The following NTM variants were observed in gnomAD, a reference collection of about 807,000 sequenced individuals.
The protein encoded by NTM is neurotrimin.
A neutral mutation model predicts 42.1 loss-of-function variants in NTM; 13 were observed. That is an observed-to-expected ratio of 0.31 (90% CI 0.20 to 0.49). The LOEUF (loss-of-function observed/expected upper bound fraction) is 0.49, where lower values mean the gene tolerates loss of function less well. Ranked by LOEUF, NTM falls within the 20% of genes least tolerant of loss-of-function variation. NTM has a pLI of 0.99. For synonymous variants in NTM, 187 were observed against 179.2 expected (o/e 1.04, Z -0.35); for missense variants, 373 against 452.8 (o/e 0.82, Z 1.60).
chr11:132,243,871 C>T (rs1370389460), intron 4 of NTM, among the ~76,000 whole-genome samples: 1 of 152,154 alleles, frequency 6.6e-6, no homozygotes. Context: ...TGCAGCATGG[C>T]CCTGAGCCCT....
intron 2 of NTM, among the ~76,000 whole-genome samples, chr11:132,109,552 C>T (rs536244475): frequency 6.6e-6 from 1 of 152,224 alleles, no homozygotes; most frequent in Admixed American, 6.5e-5. Flanking sequence ...TATTATATTG[C>T]TCCCCTGCTT....
At chr11:131,583,413 A>G (rs1039858550) in intron 1 of NTM, among the ~76,000 whole-genome samples, 13 of 152,228 alleles carry the variant, frequency 8.5e-5, no homozygotes, top group African/African-American at 2.7e-4. Context: ...ATAAAATATT[A>G]AGAGAAAATG....
chr11:131,579,666 G>T (rs1396054886), intron 1 of NTM, among the ~76,000 whole-genome samples: 3 of 152,176 alleles, frequency 2.0e-5, no homozygotes, highest in South Asian at 2.1e-4. Flanking sequence ...TCATTTTGCT[G>T]CCAAGGACCA....
chr11:131,715,845 T>G (rs2077638745), intron 1 of NTM, among the ~76,000 whole-genome samples: 3 of 152,262 alleles, frequency 2.0e-5, no homozygotes, highest in Non-Finnish European at 2.9e-5. Flanking sequence ...TCATTTTTAT[T>G]GCTGAAAAGT....
chr11:131,741,121 C>A (rs1185909388), intron 1 of NTM, among the ~76,000 whole-genome samples: 1 of 150,530 alleles, frequency 6.6e-6, no homozygotes, highest in Non-Finnish European at 1.5e-5. Context: ...GAAGAGATTG[C>A]ACCACTGCAC....
At chr11:131,630,618 A>G (rs2063558160) in intron 1 of NTM, among the ~76,000 whole-genome samples, 1 of 152,230 alleles carries the variant, frequency 6.6e-6, no homozygotes, top group Non-Finnish European at 1.5e-5. Context: ...CAGTCAGAGG[A>G]CAAGTCAAAA....
At chr11:132,048,027 T>A (rs990544868) in intron 2 of NTM, among the ~76,000 whole-genome samples, 2 of 152,086 alleles carry the variant, frequency 1.3e-5, no homozygotes, top group Non-Finnish European at 2.9e-5. Flanking sequence ...TAGCTGAGTA[T>A]GTCTGCGTGT....
Position 131,741,162 on chromosome 11 carries a change from T to TGAGAGAGA in NTM, c.83-170363_83-170356dup, listed in dbSNP as rs71067330. Among the ~76,000 whole-genome samples, 397 of 129,812 alleles carry TGAGAGAGA rather than the reference T, an allele frequency of 3.1e-3. 5 individuals are homozygous for TGAGAGAGA. The highest frequency in any genetic ancestry group is 0.011 in the African/African-American group (351 of 33,034). 85.2% of individuals were successfully genotyped at this position (129,812 alleles called of 152,430 possible). On this transcript the variant is annotated intron_variant, in intron 1 of 8. Transcript: ENST00000683400. The stretch of plus-strand genomic sequence containing the variant: ...CCTGGGCAACAGAGCAAGACCCCGT[T>TGAGAGAGA]GAGAGAGAGAGAGAGAGAGAGAGAG...
rs531325573 is a variant in NTM at position 132,056,553 on chromosome 11, G to A, written c.168-89729G>A. ...TCTTTGATATTTAGGATGAGGCAAT[G>A]AATACATGAATGAATACGTCAATGA... On this transcript the variant is annotated intron_variant, in intron 2 of 8. Coordinates refer to ENST00000683400, the MANE Select transcript of NTM (RefSeq NM_001352005.2). 2.9e-4 allele frequency among the ~76,000 whole-genome samples: 44 copies of A among 152,282 alleles called. No homozygotes were observed. In the South Asian group the frequency reaches 3.5e-3, roughly 12 times the overall value.
chr11:132,138,582 CTATCTATCTATCT>C (rs1566271833), intron 2 of NTM, among the ~76,000 whole-genome samples: 1 of 23,008 alleles, frequency 4.3e-5, no homozygotes, highest in African/African-American at 1.3e-4. Flanking sequence ...ATCTATCTAT[CTATCTATCTATCT>C]ATCTATCTAT....
chr11:132,053,934 C>T (rs1049846384), intron 2 of NTM, among the ~76,000 whole-genome samples: 23 of 152,150 alleles, frequency 1.5e-4, no homozygotes, highest in African/African-American at 5.3e-4. Flanking sequence ...ATAAAAAAGT[C>T]GCTGGGTGCG....
intron 1 of NTM, among the ~76,000 whole-genome samples, chr11:131,753,960 T>A (rs1440284475): frequency 6.6e-6 from 1 of 151,480 alleles, no homozygotes; most frequent in Non-Finnish European, 1.5e-5. Context: ...CCATAAAAAG[T>A]GATGAGTTCT....
chr11:131,690,697 T>TG (rs2074555874), intron 1 of NTM, among the ~76,000 whole-genome samples: 1 of 152,162 alleles, frequency 6.6e-6, no homozygotes, highest in African/African-American at 2.4e-5. Flanking sequence ...AGAAGCAGCC[T>TG]GGGGTCCAAG....
At chr11:131,956,549 C>G (rs2061575647) in intron 2 of NTM, among the ~76,000 whole-genome samples, 2 of 151,428 alleles carry the variant, frequency 1.3e-5, no homozygotes, top group African/African-American at 4.9e-5. Flanking sequence ...TGGGTCATCT[C>G]CTGCGTTCCT....
chr11:132,049,542 T>C (rs1268883892), intron 2 of NTM, among the ~76,000 whole-genome samples: 2 of 152,172 alleles, frequency 1.3e-5, no homozygotes, highest in Non-Finnish European at 2.9e-5. Context: ...TGGGGTCTCT[T>C]GCAGGGGTTG....
chr11:132,162,600 ATG>A (rs376065343), intron 3 of NTM, among the ~76,000 whole-genome samples: 1,191 of 115,794 alleles, frequency 0.01, 18 homozygotes, highest in African/African-American at 0.035. Flanking sequence ...TTTGTGGGGC[ATG>A]TGTGGGGGAC....
intron 1 of NTM, among the ~76,000 whole-genome samples, chr11:131,724,124 C>T (rs1000670546): frequency 1.3e-5 from 2 of 152,144 alleles, no homozygotes; most frequent in East Asian, 1.9e-4. Context: ...AGCAGACACA[C>T]GTGCTAGAAG....
intron 4 of NTM, among the ~76,000 whole-genome samples, chr11:132,222,311 T>A (rs1441481537): frequency 2.0e-5 from 3 of 152,212 alleles, no homozygotes; most frequent in Admixed American, 6.5e-5. Context: ...CTGACCTGAC[T>A]TTTGTTTTCC....
At chr11:132,314,728 AAGAAGAGGGGAGAGGGTGCAGAAC>A (rs769680001) in intron 7 of NTM, 25 bp downstream of exon 7, 5 of 1,600,342 alleles carry the variant, frequency 3.1e-6, no homozygotes, top group Non-Finnish European at 4.3e-6. Flanking sequence ...TGAGCTGGGC[AAGAAGAGGGGAGAGGGTGCAGAAC>A]GGGAGAGCTG....
Sources: gnomAD v4.1 joint callset for allele counts (sites outside exome capture counted in the v4.1 genomes callset) on GRCh38, gnomAD v4.1.1 for gene constraint, MANE v1.5 for transcripts, NCBI Gene and HGNC (gene_info 2026-07-23, HGNC 2026-07-21) for gene names.